The following LRMDA variants were observed in gnomAD, a reference collection of about 807,000 sequenced individuals.
The protein encoded by LRMDA is leucine-rich melanocyte differentiation-associated protein.
LRMDA carries 18 observed loss-of-function variants against 29.8 expected under a neutral mutation model. The observed-to-expected ratio is 0.60, with a 90% CI of 0.42 to 0.90. LRMDA has a LOEUF of 0.90. Ranked by LOEUF, LRMDA falls within the 40% of genes least tolerant of loss-of-function variation. LRMDA has a pLI of 0.00. For missense variants in LRMDA, 273 were observed against 273.9 expected, an observed-to-expected ratio of 1.00 and a Z score of 0.02; for synonymous variants, 125 against 109.4, an observed-to-expected ratio of 1.14 and a Z score of -0.89.
chr10:75,560,446 G>T (rs908408678), intron 2 of LRMDA, among the ~76,000 whole-genome samples: 6 of 149,592 alleles, frequency 4.0e-5, no homozygotes, highest in African/African-American at 1.5e-4. Context: ...GAGACAGTGG[G>T]GTTTTCTAGA....
rs527866652 is a variant in LRMDA, at chr10:76,265,443, C to T, written c.517-58958C>T. On this transcript the variant is annotated intron_variant, in intron 5 of 6. Coordinates refer to ENST00000611255, the MANE Select transcript of LRMDA (RefSeq NM_001305581.2). ...AGCTGCTTCTTTTCAGGTGCTCACA[C>T]TCAGCGCAGCCGAATTCTGCCTTCT... Among the ~76,000 whole-genome samples, 6 of 152,320 alleles carry T rather than the reference C, an allele frequency of 3.9e-5. No homozygotes were observed. In the South Asian group the frequency reaches 1.0e-3, roughly 26 times the overall value.
At chr10:75,712,884 G>A (rs1842454213) in intron 2 of LRMDA, among the ~76,000 whole-genome samples, 1 of 151,890 alleles carries the variant, frequency 6.6e-6, no homozygotes, top group South Asian at 2.1e-4. Flanking sequence ...TTCACACAGG[G>A]TTTCTGCAGA....
chr10:75,546,624 G>A lies in LRMDA; in HGVS notation c.131+108130G>A, dbSNP rs573190154. On this transcript the variant is annotated intron_variant, in intron 2 of 6. Coordinates refer to ENST00000611255, the MANE Select transcript of LRMDA (RefSeq NM_001305581.2). ...TTAATGGTAGAAGTGATGTGATTGAGTATTCATTAATAAGTTGCTTATGCA... is the reference window on the plus strand; with the variant it reads ...TTAATGGTAGAAGTGATGTGATTGAATATTCATTAATAAGTTGCTTATGCA... 8.5e-5 allele frequency among the ~76,000 whole-genome samples: 13 copies of A among 152,218 alleles called. No individual in the cohort carries two copies. In the East Asian group the frequency reaches 9.6e-4, roughly 11 times the overall value.
chr10:75,630,293 A>G (rs958747833), intron 2 of LRMDA, among the ~76,000 whole-genome samples: 1 of 152,226 alleles, frequency 6.6e-6, no homozygotes, highest in African/African-American at 2.4e-5. Flanking sequence ...TGATTGCAGA[A>G]AGCAGGAAGA....
intron 6 of LRMDA, among the ~76,000 whole-genome samples, chr10:76,336,624 C>T (rs1161276533): frequency 6.6e-6 from 1 of 152,108 alleles, no homozygotes; most frequent in Non-Finnish European, 1.5e-5. Context: ...CAAACACAGA[C>T]TGCCCAGAGG....
intron 2 of LRMDA, among the ~76,000 whole-genome samples, chr10:75,540,259 G>A (rs1189466675): frequency 6.6e-6 from 1 of 152,182 alleles, no homozygotes; most frequent in Non-Finnish European, 1.5e-5. Flanking sequence ...CAAAGGTTTG[G>A]GAACCTGGCA....
In LRMDA at chr10:75,894,125, A is replaced by G. The variant is rs956577021; in HGVS notation, c.132-141883A>G. 1.1e-4 allele frequency among the ~76,000 whole-genome samples: 17 copies of G among 152,204 alleles called. No homozygotes were observed. The Middle Eastern group carries it at 0.01, about 91-fold the overall frequency. On this transcript the variant is annotated intron_variant, in intron 2 of 6. Coordinates refer to ENST00000611255, the MANE Select transcript of LRMDA (RefSeq NM_001305581.2). ...TGATTTGTGAGATTTTGGTGCACCC[A>G]TCACCTGAGCAGTATACACTGCATC...
intron 2 of LRMDA, among the ~76,000 whole-genome samples, chr10:75,741,350 G>T (rs1842826981): frequency 6.6e-6 from 1 of 151,900 alleles, no homozygotes; most frequent in Admixed American, 6.6e-5. Flanking sequence ...TCTCAAGTGA[G>T]CAACTCTCTC....
intron 2 of LRMDA, among the ~76,000 whole-genome samples, chr10:75,474,795 AGT>A (rs376922861): frequency 1.3e-5 from 2 of 152,086 alleles, no homozygotes; most frequent in African/African-American, 4.8e-5. Context: ...TGTGCATGTG[AGT>A]GTGTGACACA....
At chr10:76,529,307 G>A (rs959160666) in intron 6 of LRMDA, among the ~76,000 whole-genome samples, 2 of 152,102 alleles carry the variant, frequency 1.3e-5, no homozygotes, top group Admixed American at 6.6e-5. Flanking sequence ...CTATGCAAAT[G>A]TAATTTTTAC....
intron 2 of LRMDA, among the ~76,000 whole-genome samples, chr10:75,766,087 T>C (rs1193278581): frequency 6.6e-6 from 1 of 152,208 alleles, no homozygotes; most frequent in African/African-American, 2.4e-5. Context: ...CAGGCTTCTG[T>C]ACTGACCTTC....
intron 2 of LRMDA, among the ~76,000 whole-genome samples, chr10:75,689,224 G>A (rs1206634880): frequency 6.6e-6 from 1 of 152,188 alleles, no homozygotes; most frequent in East Asian, 1.9e-4. Flanking sequence ...CTTATTCTTA[G>A]ATTTCCTTCC....
chr10:76,046,812 GT>G (rs1342542817), intron 3 of LRMDA, among the ~76,000 whole-genome samples: 1 of 152,158 alleles, frequency 6.6e-6, no homozygotes, highest in Non-Finnish European at 1.5e-5. Flanking sequence ...AACGAATTAA[GT>G]TTTATGGTTT....
intron 2 of LRMDA, among the ~76,000 whole-genome samples, chr10:75,815,679 C>T (rs1564575505): frequency 1.3e-5 from 2 of 152,136 alleles, no homozygotes; most frequent in Non-Finnish European, 2.9e-5. Context: ...TTCCACCAGC[C>T]AACCCACACT....
At chr10:76,095,831 C>T (rs115483460) in intron 5 of LRMDA, among the ~76,000 whole-genome samples, 295 of 151,844 alleles carry the variant, frequency 1.9e-3, no homozygotes, top group African/African-American at 6.9e-3. Context: ...TGGTTAAAGT[C>T]GGTTCAAATC....
chr10:76,092,228 T>C (rs1488496397), intron 5 of LRMDA, among the ~76,000 whole-genome samples: 6 of 152,208 alleles, frequency 3.9e-5, no homozygotes, highest in Admixed American at 2.6e-4. Context: ...CTGAGGACTT[T>C]CGCACCCTGC....
intron 5 of LRMDA, among the ~76,000 whole-genome samples, chr10:76,296,263 C>A (rs186444062): frequency 6.6e-6 from 1 of 152,300 alleles, no homozygotes; most frequent in East Asian, 1.9e-4. Flanking sequence ...ACCCTAATAA[C>A]CCCTTGTCAT....
At position 75,754,630 on chromosome 10, in the gene LRMDA, T is replaced by C. The variant is rs149155398; in HGVS notation, c.132-281378T>C. On this transcript the variant is annotated intron_variant, in intron 2 of 6. Coordinates refer to ENST00000611255, the MANE Select transcript of LRMDA (RefSeq NM_001305581.2). ...ACTAGTAAGTAATGACTTTTCTGTA[T>C]TGAGAAAGACAGATGACTTATTAGA... Among the ~76,000 whole-genome samples the C allele has an allele frequency of 5.2e-3, 790 of 152,362 alleles. 11 individuals carry two copies. Among genetic ancestry groups the C allele is most frequent in the African/African-American group, 0.018 (760 of 41,582 alleles).
At chr10:76,431,331 G>A (rs1012799193) in intron 6 of LRMDA, among the ~76,000 whole-genome samples, 4 of 152,164 alleles carry the variant, frequency 2.6e-5, no homozygotes, top group Admixed American at 1.3e-4. Context: ...AAGCAACTTT[G>A]CTGACTGCAC....
Sources: allele counts gnomAD v4.1 joint callset (sites outside exome capture counted in the v4.1 genomes callset), GRCh38; gene constraint gnomAD v4.1.1; transcripts MANE v1.5; gene names NCBI Gene and HGNC (gene_info 2026-07-23, HGNC 2026-07-21).